Variants in SMG5 observed in about 807,000 individuals in gnomAD.
SMG5 encodes the protein nonsense-mediated mRNA decay factor SMG5.
Under a neutral mutation model 122.9 loss-of-function variants are expected in SMG5, and 53 were observed. The ratio of observed to expected loss-of-function variants is 0.43; its 90% CI spans 0.35 to 0.54. The LOEUF (loss-of-function observed/expected upper bound fraction) is 0.54. Ranked by LOEUF, SMG5 falls within the 20% of genes least tolerant of loss-of-function variation. The pLI is 0.01. For missense variants in SMG5, 1,153 were observed against 1,285.6 expected, an observed-to-expected ratio of 0.90 and a Z score of 1.58; for synonymous variants, 477 against 490.2, an observed-to-expected ratio of 0.97 and a Z score of 0.35.
Position 156,258,994 on chromosome 1 carries a change from G to C in SMG5, c.2442+11C>G, listed in dbSNP as rs574180708. 2 of 1,613,530 alleles carry C rather than the reference G, an allele frequency of 1.2e-6. No individual in the cohort carries two copies. Among genetic ancestry groups the C allele is most frequent in the Non-Finnish European group, 1.7e-6 (2 of 1,179,802 alleles). On this transcript the variant is annotated intron_variant, in intron 16 of 21. Coordinates refer to ENST00000361813, the MANE Select transcript of SMG5 (RefSeq NM_015327.3). ...GAGCAGAGCTGACGGGGAGGGGAAG[G>C]CCTGACTCACCATTCGGAACTGTGC...
chr1:156,251,304 G>A, intron 20 of SMG5, 99 bp downstream of exon 20: 1 of 1,396,320 alleles, frequency 7.2e-7, no homozygotes, highest in Non-Finnish European at 1.0e-6. Flanking sequence ...TACGTGTGGA[G>A]CCTCAGAATT....
Position 156,259,160 on chromosome 1 carries a change from C to G in SMG5, c.2287G>C (p.Val763Leu). The change falls in exon 16 of 22, where the codon GTG becomes CTG. Residue 763 changes from valine (V) to leucine (L), a missense_variant. Val to Leu is a conservative substitution (Grantham distance 32). Coordinates refer to ENST00000361813, the MANE Select transcript of SMG5 (RefSeq NM_015327.3). ...CTGCGGATGCAGCAGATGCGCACCACTGACTGTGGGGAGATACAGGAGCCC... is the reference window on the plus strand; with the variant it reads ...CTGCGGATGCAGCAGATGCGCACCAGTGACTGTGGGGAGATACAGGAGCCC... ...RPLLSTLEES[V>L]VRICCIRSFG... 1 of 1,574,526 alleles carries G rather than the reference C, an allele frequency of 6.4e-7. No individual in the cohort carries two copies. Among genetic ancestry groups the G allele is most frequent in the Middle Eastern group, 1.7e-4 (1 of 5,848 alleles).
At chr1:156,279,321 T>G (rs1013733574) in intron 1 of SMG5, among the ~76,000 whole-genome samples, 1 of 149,250 alleles carries the variant, frequency 6.7e-6, no homozygotes, top group African/African-American at 2.5e-5. Context: ...ATTTAGTGGG[T>G]GCTGTTAAAT....
intron 10 of SMG5, 111 bp downstream of exon 10, chr1:156,267,359 G>A: frequency 9.3e-7 from 1 of 1,078,196 alleles, no homozygotes; most frequent in Non-Finnish European, 1.4e-6. Flanking sequence ...AGTGACACAG[G>A]AGTGAAGAGG....
In SMG5 at chr1:156,273,718, CT is replaced by C. The variant is rs748042052; in HGVS notation, c.545-269del. Among the ~76,000 whole-genome samples the C allele has an allele frequency of 4.5e-3, 524 of 116,300 alleles. 4 individuals are homozygous for C. Among genetic ancestry groups the C allele is most frequent in the African/African-American group, 0.012 (355 of 29,958 alleles). 76.3% of individuals were successfully genotyped at this position (116,300 alleles called of 152,430 possible). ...AGCTCTTCTTTTTTTGTTTTGTTTTCTTTTTTTTTTTTTTTTTTTTTAGAGA... is the reference window on the plus strand; with the variant it reads ...AGCTCTTCTTTTTTTGTTTTGTTTTCTTTTTTTTTTTTTTTTTTTTAGAGA... On this transcript the variant is annotated intron_variant, in intron 5 of 21. Transcript: ENST00000361813.
intron 20 of SMG5, 127 bp from the exon 21 acceptor site, chr1:156,251,123 A>T: frequency 7.6e-7 from 1 of 1,315,634 alleles, no homozygotes; most frequent in Non-Finnish European, 1.1e-6. Context: ...GGGCCCTGGA[A>T]GCTGGCCCTG....
chr1:156,250,907 A>G lies in SMG5; in HGVS notation c.2918T>C (p.Ile973Thr). 6.2e-7 allele frequency: 1 copy of G among 1,613,968 alleles called. No individual in the cohort carries two copies. The highest frequency in any genetic ancestry group is 2.2e-5 in the East Asian group (1 of 44,876). Residue 973 changes from isoleucine to threonine, a missense_variant, in exon 21 of 22, where the codon ATC becomes ACC. Around this residue, in one of 5 missense-constraint regions of SMG5, gnomAD observed 84 missense variants for 82.3 expected, o/e 1.02. Coordinates refer to ENST00000361813, the MANE Select transcript of SMG5 (RefSeq NM_015327.3). ...EEDPSGMVTI[I>T]TGLPLDNPSV... ...GGGGTTGTCCAGTGGAAGGCCTGTG[A>G]TGATGGTCACCATGCCACTCGGATC... is the stretch of plus-strand genomic sequence containing the variant.
At chr1:156,257,506 C>G (rs930489408) in intron 16 of SMG5, among the ~76,000 whole-genome samples, 41 of 152,140 alleles carry the variant, frequency 2.7e-4, no homozygotes, top group East Asian at 1.2e-3. Flanking sequence ...CTCCCTACCC[C>G]CCGACAGGAA....
At chr1:156,271,566 GTTTTTTTTTTTTTT>G (rs755111375) in intron 7 of SMG5, among the ~76,000 whole-genome samples, 1 of 82,286 alleles carries the variant, frequency 1.2e-5, no homozygotes, top group African/African-American at 4.7e-5. Context: ...CCCTGAAGAG[GTTTTTTTTTTTTTT>G]TTTTTTTTTT....
chr1:156,278,727 T>A (rs1662800125), intron 2 of SMG5, among the ~76,000 whole-genome samples: 1 of 152,162 alleles, frequency 6.6e-6, no homozygotes, highest in Non-Finnish European at 1.5e-5. Flanking sequence ...ACTGTGCTAC[T>A]TTATGGCACC....
intron 16 of SMG5, 85 bp from the exon 17 acceptor site, chr1:156,253,593 G>A (rs942039180): frequency 2.4e-6 from 3 of 1,261,970 alleles, no homozygotes; most frequent in Middle Eastern, 1.8e-4. Context: ...GTTTCCTGGG[G>A]TCTCAGTGTG....
intron 5 of SMG5, among the ~76,000 whole-genome samples, chr1:156,273,722 T>A (rs532391093): frequency 6.9e-6 from 1 of 144,972 alleles, no homozygotes; most frequent in African/African-American, 2.5e-5. Flanking sequence ...TGTTTTCTTT[T>A]TTTTTTTTTT....
At chr1:156,291,312 C>T in the SMG5 span, 1 of 1,412,564 alleles carries the variant, frequency 7.1e-7, no homozygotes, top group Non-Finnish European at 9.9e-7. Flanking sequence ...CTACTCCCCC[C>T]ACCGTCAGCC....
intron 7 of SMG5, 93 bp downstream of exon 7, chr1:156,272,227 C>G (rs1662468836): frequency 8.7e-7 from 1 of 1,146,424 alleles, no homozygotes; most frequent in Non-Finnish European, 1.3e-6. Context: ...ATCTCAGCCA[C>G]AGCTAGAGGA....
chr1:156,278,440 A>G (rs1172913524), intron 2 of SMG5, among the ~76,000 whole-genome samples: 2 of 150,046 alleles, frequency 1.3e-5, no homozygotes, highest in African/African-American at 4.9e-5. Context: ...TCATAGCACC[A>G]TAAACTTGAA....
At chr1:156,260,174 T>C (rs1459041477) in intron 15 of SMG5, among the ~76,000 whole-genome samples, 1 of 152,092 alleles carries the variant, frequency 6.6e-6, no homozygotes, top group Non-Finnish European at 1.5e-5. Flanking sequence ...TAATAACTAT[T>C]TGTTCTGCCC....
At chr1:156,285,034 G>A (rs891392548), upstream of SMG5, 1 of 506,918 alleles carries the variant, frequency 2.0e-6, no homozygotes, top group Non-Finnish European at 3.2e-6. Context: ...CTCTGTTTCA[G>A]TGTCTTCCTC....
At position 156,260,547 on chromosome 1, in the gene SMG5, T is replaced by C; in HGVS notation, c.2187A>G (p.Pro729=). 1 of 1,567,372 alleles carries C rather than the reference T, an allele frequency of 6.4e-7. No individual in the cohort carries two copies. The highest frequency in any genetic ancestry group is 8.6e-7 in the Non-Finnish European group (1 of 1,162,996). The change falls in exon 15 of 22, where the codon CCA becomes CCG. Residue 729 remains proline (P), a synonymous_variant. Coordinates refer to ENST00000361813, the MANE Select transcript of SMG5 (RefSeq NM_015327.3). ...LPDLPSSLLL[P]EDMALRNLPP... ...GCAGGTTACGAAGAGCCATGTCCTC[T>C]GGGAGCAGAAGGCTAGAGGGGAGGT...
chr1:156,251,562 G>C (rs1661358386), intron 19 of SMG5, 85 bp from the exon 20 acceptor site: 1 of 1,382,284 alleles, frequency 7.2e-7, no homozygotes. Context: ...GGCTCTGGGG[G>C]CCTGGTTTTG....
Sources: allele counts gnomAD v4.1 joint callset (sites outside exome capture counted in the v4.1 genomes callset), GRCh38; gene constraint gnomAD v4.1.1; regional missense constraint gnomAD v4.1.1; transcripts MANE v1.5; gene names NCBI Gene and HGNC (gene_info 2026-07-23, HGNC 2026-07-21).